EXOC4: variants seen among roughly 807,000 people sequenced by gnomAD.
The protein encoded by EXOC4 is SEC8-like 1.
In EXOC4, 71 loss-of-function variants were observed where a neutral mutation model predicts 107.2. That is an observed-to-expected ratio of 0.66 (90% CI 0.55 to 0.81). The LOEUF is 0.81. EXOC4 is among the 30% of genes least tolerant of loss of function. The pLI is 0.00. For synonymous variants in EXOC4, 456 were observed against 441.2 expected (o/e 1.03, Z -0.42); for missense variants, 1,108 against 1,189.6 (o/e 0.93, Z 1.01).
At chr7:133,341,178 A>G (rs1024130903) in intron 5 of EXOC4, among the ~76,000 whole-genome samples, 4 of 152,036 alleles carry the variant, frequency 2.6e-5, no homozygotes, top group Admixed American at 6.5e-5. Context: ...ACGCTATGAA[A>G]TTTGCTCTTA....
intron 14 of EXOC4, among the ~76,000 whole-genome samples, chr7:133,962,240 G>A (rs374491649): frequency 5.3e-5 from 8 of 152,198 alleles, no homozygotes; most frequent in South Asian, 2.1e-4. Flanking sequence ...TGAAAATTCC[G>A]CATCAAACAG....
intron 12 of EXOC4, among the ~76,000 whole-genome samples, chr7:133,915,797 T>C (rs1344610995): frequency 6.6e-6 from 1 of 152,068 alleles, no homozygotes; most frequent in South Asian, 2.1e-4. Context: ...ATATGAGAGA[T>C]TGGAGGGAAG....
intron 9 of EXOC4, among the ~76,000 whole-genome samples, chr7:133,586,893 C>T (rs559257727): frequency 1.3e-5 from 2 of 152,118 alleles, no homozygotes; most frequent in Admixed American, 6.6e-5. Flanking sequence ...TGTAATGGTG[C>T]GATCTCGGCT....
At chr7:133,663,185 A>G (rs1198525808) in intron 10 of EXOC4, among the ~76,000 whole-genome samples, 1 of 152,120 alleles carries the variant, frequency 6.6e-6, no homozygotes, top group Non-Finnish European at 1.5e-5. Flanking sequence ...CCTCTTTGAA[A>G]GACTCCCTTC....
intron 9 of EXOC4, among the ~76,000 whole-genome samples, chr7:133,487,813 T>C (rs564710232): frequency 6.6e-6 from 1 of 152,310 alleles, no homozygotes; most frequent in Admixed American, 6.5e-5. Flanking sequence ...AAAAGTTAAC[T>C]TATATCTCAT....
chr7:133,339,731 G>A (rs1795614301), intron 5 of EXOC4, among the ~76,000 whole-genome samples: 1 of 152,100 alleles, frequency 6.6e-6, no homozygotes, highest in African/African-American at 2.4e-5. Context: ...CACCTCCTTG[G>A]TTAGGTATAT....
chr7:133,811,536 T>A (rs1374085109), intron 10 of EXOC4, among the ~76,000 whole-genome samples: 1 of 152,250 alleles, frequency 6.6e-6, no homozygotes, highest in Non-Finnish European at 1.5e-5. Context: ...CTTGCAATAT[T>A]TTAATTTGTG....
intron 14 of EXOC4, among the ~76,000 whole-genome samples, chr7:133,964,809 T>C (rs199537084): frequency 6.6e-6 from 1 of 152,202 alleles, no homozygotes; most frequent in Non-Finnish European, 1.5e-5. Flanking sequence ...TGTATCTTTA[T>C]AGTAGAATGA....
intron 10 of EXOC4, among the ~76,000 whole-genome samples, chr7:133,661,609 G>C (rs1025400836): frequency 3.7e-5 from 5 of 133,766 alleles, no homozygotes; most frequent in Admixed American, 2.6e-4. Flanking sequence ...TTTTGTCTCT[G>C]TATGGAGGAG....
intron 9 of EXOC4, among the ~76,000 whole-genome samples, chr7:133,560,934 A>T (rs531126217): frequency 1.3e-5 from 2 of 152,224 alleles, no homozygotes; most frequent in African/African-American, 2.4e-5. Flanking sequence ...GTATGATTTT[A>T]TTATTCATAA....
chr7:133,853,680 G>A (rs185590993), intron 11 of EXOC4, among the ~76,000 whole-genome samples: 1 of 152,090 alleles, frequency 6.6e-6, no homozygotes, highest in Non-Finnish European at 1.5e-5. Flanking sequence ...ATTGCCAGTG[G>A]GGAGACGTCC....
intron 7 of EXOC4, among the ~76,000 whole-genome samples, chr7:133,400,090 C>T (rs558126199): frequency 6.6e-6 from 1 of 152,270 alleles, no homozygotes; most frequent in Admixed American, 6.5e-5. Context: ...TCTGCGGGGG[C>T]AGGAGTTAGT....
chr7:133,513,982 C>A (rs746965931), intron 9 of EXOC4, among the ~76,000 whole-genome samples: 1 of 151,974 alleles, frequency 6.6e-6, no homozygotes, highest in Non-Finnish European at 1.5e-5. Flanking sequence ...TGGCTCAGGG[C>A]GCTATATCAT....
chr7:133,666,937 TA>T (rs1793830515), intron 10 of EXOC4, among the ~76,000 whole-genome samples: 1 of 152,202 alleles, frequency 6.6e-6, no homozygotes, highest in African/African-American at 2.4e-5. Flanking sequence ...CTTACATGCA[TA>T]TATTGCATAG....
At chr7:133,950,010 T>G (rs1211192422) in intron 14 of EXOC4, among the ~76,000 whole-genome samples, 1 of 152,220 alleles carries the variant, frequency 6.6e-6, no homozygotes, top group Non-Finnish European at 1.5e-5. Context: ...TTCTTTTTTA[T>G]TCTTTCTCTT....
intron 12 of EXOC4, among the ~76,000 whole-genome samples, chr7:133,910,925 G>T (rs1393711137): frequency 6.6e-6 from 1 of 152,148 alleles, no homozygotes; most frequent in Admixed American, 6.5e-5. Flanking sequence ...CAGCACCCCA[G>T]CTGTGTCCAG....
At chr7:133,471,664 CTT>C (rs1426114652) in intron 7 of EXOC4, among the ~76,000 whole-genome samples, 1 of 151,964 alleles carries the variant, frequency 6.6e-6, no homozygotes, top group African/African-American at 2.4e-5. Context: ...ACTTTGAAGA[CTT>C]TTTAATTTGC....
chr7:134,075,232 A>G, the EXOC4 span, among the ~76,000 whole-genome samples: 3 of 152,162 alleles, frequency 2.0e-5, no homozygotes, highest in Non-Finnish European at 4.4e-5. Flanking sequence ...ATTTGGGGTG[A>G]TGGTGTATAA....
At chr7:134,060,793 C>A (rs1002907512) in intron 17 of EXOC4, among the ~76,000 whole-genome samples, 1 of 152,150 alleles carries the variant, frequency 6.6e-6, no homozygotes, top group Non-Finnish European at 1.5e-5. Flanking sequence ...AAATGAATTT[C>A]CTTCTGTCTT....
Sources: allele counts gnomAD v4.1 joint callset (sites outside exome capture counted in the v4.1 genomes callset), GRCh38; gene constraint gnomAD v4.1.1; transcripts MANE v1.5; gene names NCBI Gene and HGNC (gene_info 2026-07-23, HGNC 2026-07-21).